TINCR: variants seen among roughly 807,000 people sequenced by gnomAD.
The protein encoded by TINCR is TINCR ubiquitin domain containing.
At chr19:5,566,185 A>T (rs892862525) in intron 1 of TINCR, among the ~76,000 whole-genome samples, 3 of 152,176 alleles carry the variant, frequency 2.0e-5, no homozygotes, top group Non-Finnish European at 4.4e-5. Flanking sequence ...AGCTTCAGAG[A>T]CAGAGAAAAA....
At chr19:5,560,397 C>A (rs1439693174), downstream of TINCR, 1 of 152,286 alleles carries the variant, frequency 6.6e-6, no homozygotes, top group Non-Finnish European at 1.5e-5. This position sits in a 1 kb window ranked among gnomAD's most constrained non-coding sequence, Gnocchi z 4.5. Context: ...TCTGGCGCCT[C>A]CGCCCATGGT....
exon 1 of TINCR, chr19:5,567,721 C>G (rs1425275240): frequency 2.6e-6 from 1 of 391,722 alleles, no homozygotes; most frequent in African/African-American, 2.1e-5. Flanking sequence ...CGTCGCGCAC[C>G]GTCTGGTGGT....
At chr19:5,567,626 G>GCCTACCCCCCCCCCCCCC in intron 1 of TINCR, 39 bp downstream of exon 1, 5 of 202,438 alleles carry the variant, frequency 2.5e-5, no homozygotes, top group Non-Finnish European at 4.9e-5. Context: ...GTCCCCGGCC[G>GCCTACCCCCCCCCCCCCC]CCGCCCCCGC....
chr19:5,566,635 G>C (rs777114753), intron 1 of TINCR, among the ~76,000 whole-genome samples: 5 of 151,664 alleles, frequency 3.3e-5, no homozygotes, highest in Non-Finnish European at 7.4e-5. Context: ...AATGGACAAA[G>C]AGACAGAGAG....
chr19:5,561,046 G>A (rs1352756633), downstream of TINCR: 1 of 154,232 alleles, frequency 6.5e-6, no homozygotes, highest in East Asian at 1.9e-4. Context: ...GCACGGCTTG[G>A]GCAAAGGTGT....
At chr19:5,558,780 C>T (rs994755741), downstream of TINCR, 8 of 152,244 alleles carry the variant, frequency 5.3e-5, no homozygotes, top group East Asian at 1.2e-3. Flanking sequence ...GGCTGTGGGA[C>T]CTTAGGCCCA....
rs2052111094 is a variant in TINCR at position 5,563,355 on chromosome 19, G to A, written c.261-406C>T. Among the ~76,000 whole-genome samples the A allele has an allele frequency of 6.6e-6, 1 of 152,086 alleles. No homozygotes were observed. Among genetic ancestry groups the A allele is most frequent in the Admixed American group, 6.6e-5 (1 of 15,264 alleles). ...GTGGGGGGCAACTGGGCTGGGCCAG[G>A]GGTTGAGAAGTGGGAGGATTATGGT... On this transcript the variant is annotated intron_variant, in intron 1 of 1. Transcript: ENST00000646160. This position sits in a 1 kb window ranked among gnomAD's most constrained non-coding sequence, Gnocchi z 4.7.
chr19:5,565,582 A>T lies in TINCR; in HGVS notation c.260+2083T>A, dbSNP rs1291311531. Among the ~76,000 whole-genome samples, 23 of 152,064 alleles carry T rather than the reference A, an allele frequency of 1.5e-4. No individual in the cohort carries two copies. The highest frequency in any genetic ancestry group is 1.5e-3 in the Admixed American group (23 of 15,270). ...TCGTCCAGCCCCCAGACCTCATAGAAGGTACGCTGCCGAGAACACCCTCTC... is the reference window on the plus strand; with the variant it reads ...TCGTCCAGCCCCCAGACCTCATAGATGGTACGCTGCCGAGAACACCCTCTC... On this transcript the variant is annotated intron_variant, in intron 1 of 1. Transcript: ENST00000646160. The surrounding 1 kb of genome is among the most constrained non-coding windows in gnomAD (Gnocchi z 4.0).
chr19:5,566,376 C>T (rs531544687), intron 1 of TINCR, among the ~76,000 whole-genome samples: 1 of 149,928 alleles, frequency 6.7e-6, no homozygotes, highest in Non-Finnish European at 1.5e-5. Flanking sequence ...ACAAAAGAGA[C>T]ACACAGAGAG....
chr19:5,564,879 A>G (rs1235425594), intron 1 of TINCR, among the ~76,000 whole-genome samples: 1 of 151,618 alleles, frequency 6.6e-6, no homozygotes, highest in Admixed American at 6.6e-5. Flanking sequence ...CGCCCAGCCA[A>G]AACTGTCTCC....
chr19:5,567,817 C>T (rs920189235), exon 1 of TINCR: 1 of 394,172 alleles, frequency 2.5e-6, no homozygotes, highest in Non-Finnish European at 4.5e-6. Flanking sequence ...GGTCGCTGAG[C>T]GTGTCCCGCG....
chr19:5,560,152 C>T (rs905223579), downstream of TINCR: 7 of 152,350 alleles, frequency 4.6e-5, no homozygotes, highest in African/African-American at 1.4e-4. The surrounding 1 kb of genome is among the most constrained non-coding windows in gnomAD (Gnocchi z 4.5). Context: ...CTCTCTTCCC[C>T]TCCTTCTCCC....
At chr19:5,561,834 G>T (rs1182861097), downstream of TINCR, 1 of 152,182 alleles carries the variant, frequency 6.6e-6, no homozygotes, top group Non-Finnish European at 1.5e-5. Flanking sequence ...AGCCCAGAGA[G>T]GAGAAGCAAT....
downstream of TINCR, chr19:5,561,809 G>C (rs1164583111): frequency 6.6e-6 from 1 of 152,100 alleles, no homozygotes; most frequent in African/African-American, 2.4e-5. Context: ...TTTATTGTAA[G>C]GAGACAGGTA....
In TINCR at chr19:5,562,979, G is replaced by T; in HGVS notation, c.261-30C>A. On this transcript the variant is annotated intron_variant, in intron 1 of 1. Coordinates refer to ENST00000646160, the Ensembl canonical transcript of TINCR. This position sits in a 1 kb window ranked among gnomAD's most constrained non-coding sequence, Gnocchi z 4.4. ...AATGCAATTTTAAACAGGATGGTCA[G>T]GGAGGGCTGCAGGAAGAGAGGGAGT... 1 of 152,560 alleles carries T rather than the reference G, an allele frequency of 6.6e-6. No individual in the cohort carries two copies. The allele number at this position is 152,560 out of a possible 1,614,324, so 9.5% of individuals were successfully genotyped here.
chr19:5,567,418 G>A (rs1007516838), intron 1 of TINCR, among the ~76,000 whole-genome samples: 6 of 152,140 alleles, frequency 3.9e-5, no homozygotes, highest in Non-Finnish European at 5.9e-5. Flanking sequence ...GAGTGACAGA[G>A]ACAAAAGAGA....
downstream of TINCR, chr19:5,560,341 C>T (rs2145284953): frequency 6.6e-6 from 1 of 152,402 alleles, no homozygotes; most frequent in Non-Finnish European, 1.5e-5. The surrounding 1 kb of genome is among the most constrained non-coding windows in gnomAD (Gnocchi z 4.5). Flanking sequence ...GCTCTGAGTC[C>T]TGCAGCCAAC....
Position 5,563,384 on chromosome 19 carries a change from A to G in TINCR, c.261-435T>C, listed in dbSNP as rs963914635. ...TGAGAAGTGGGAGGATTATGGTTAGACTTTGAAGGCGGAGCTGATGGAACC... is the reference window on the plus strand; with the variant it reads ...TGAGAAGTGGGAGGATTATGGTTAGGCTTTGAAGGCGGAGCTGATGGAACC... On this transcript the variant is annotated intron_variant, in intron 1 of 1. Transcript: ENST00000646160. The surrounding 1 kb of genome is among the most constrained non-coding windows in gnomAD (Gnocchi z 4.7). 6.6e-6 allele frequency among the ~76,000 whole-genome samples: 1 copy of G among 152,006 alleles called. No individual in the cohort carries two copies. Among genetic ancestry groups the G allele is most frequent in the African/African-American group, 2.4e-5 (1 of 41,400 alleles).
At chr19:5,564,588 T>G (rs2052118511) in intron 1 of TINCR, among the ~76,000 whole-genome samples, 1 of 152,078 alleles carries the variant, frequency 6.6e-6, no homozygotes, top group African/African-American at 2.4e-5. Context: ...CTCTTTTTTC[T>G]TTTGTTTTGA....
Sources: allele counts gnomAD v4.1 joint callset (sites outside exome capture counted in the v4.1 genomes callset), GRCh38; gene constraint gnomAD v4.1.1; non-coding constraint Gnocchi (gnomAD v3.1); transcripts MANE v1.5; gene names NCBI Gene and HGNC (gene_info 2026-07-23, HGNC 2026-07-21).